Variants in FBXL13 observed in about 807,000 individuals in gnomAD.
FBXL13 encodes the protein F-box and leucine-rich repeat protein 13.
Under a neutral mutation model 83.6 loss-of-function variants are expected in FBXL13, and 67 were observed. The ratio of observed to expected loss-of-function variants is 0.80; its 90% CI spans 0.66 to 0.98. FBXL13 has a LOEUF of 0.98. FBXL13 is among the 50% of genes least tolerant of loss of function. FBXL13 has a pLI of 0.00. For missense variants in FBXL13, 822 were observed against 866.5 expected, an observed-to-expected ratio of 0.95 and a Z score of 0.64; for synonymous variants, 272 against 299.5, an observed-to-expected ratio of 0.91 and a Z score of 0.95.
intron 7 of FBXL13, 56 bp from the exon 9 acceptor site, chr7:102,963,721 C>G (rs1325213756): frequency 6.6e-7 from 1 of 1,517,024 alleles, no homozygotes; most frequent in Non-Finnish European, 8.9e-7. Context: ...AAAACAATTG[C>G]AACAAAAACA....
intron 14 of FBXL13, among the ~76,000 whole-genome samples, chr7:102,879,279 C>A (rs974811511): frequency 1.3e-5 from 2 of 152,184 alleles, no homozygotes; most frequent in Admixed American, 6.5e-5. Context: ...TCCGTTTACA[C>A]CCTCCGTTTG....
At chr7:102,964,642 A>G (rs1825789981) in intron 7 of FBXL13, among the ~76,000 whole-genome samples, 1 of 152,040 alleles carries the variant, frequency 6.6e-6, no homozygotes. Context: ...ACCTCAAATG[A>G]TCCACCTGCT....
At chr7:102,942,176 C>A (rs975583237) in intron 8 of FBXL13, 19 of 699,822 alleles carry the variant, frequency 2.7e-5, no homozygotes, top group Non-Finnish European at 4.2e-5. Flanking sequence ...GAGCACCTAC[C>A]AAATGCCAAG....
At chr7:103,040,747 T>C (rs1280632368) in intron 2 of FBXL13, among the ~76,000 whole-genome samples, 1 of 151,662 alleles carries the variant, frequency 6.6e-6, no homozygotes, top group African/African-American at 2.4e-5. Flanking sequence ...ATAATAAAAT[T>C]AAGGCAGAAA....
chr7:102,949,595 T>A (rs1823091008), intron 8 of FBXL13, among the ~76,000 whole-genome samples: 2 of 152,174 alleles, frequency 1.3e-5, no homozygotes, highest in Non-Finnish European at 2.9e-5. Context: ...ACATTACATT[T>A]GCTTCCTTAA....
At chr7:102,972,715 A>G (rs1826863934) in intron 6 of FBXL13, among the ~76,000 whole-genome samples, 1 of 151,594 alleles carries the variant, frequency 6.6e-6, no homozygotes, top group South Asian at 2.1e-4. Context: ...AAACATATAA[A>G]AAGATAATAA....
intron 16 of FBXL13, 64 bp from the exon 18 acceptor site, chr7:102,854,924 A>C (rs1442737433): frequency 3.4e-6 from 3 of 875,138 alleles, no homozygotes; most frequent in African/African-American, 1.7e-5. Flanking sequence ...TATAGTTCCA[A>C]TAACCATTTA....
At chr7:102,846,990 C>A (rs931492178) in intron 17 of FBXL13, among the ~76,000 whole-genome samples, 11 of 152,026 alleles carry the variant, frequency 7.2e-5, no homozygotes, top group African/African-American at 2.7e-4. Flanking sequence ...AAAAAAGCAA[C>A]AGAAGAATAA....
rs193164566 is a variant in FBXL13 at position 103,071,986 on chromosome 7, C to T, written c.-105+2260G>A. On this transcript the variant is annotated intron_variant, in intron 1 of 19. Coordinates refer to ENST00000313221, the Ensembl canonical transcript of FBXL13. ...TCACCTGAGGTTAGGAGTTCGAGAC[C>T]GGCCTGACCAACATGGTGAAACCCT... Among the ~76,000 whole-genome samples the T allele has an allele frequency of 7.6e-3, 1,153 of 151,910 alleles. 3 individuals are homozygous for T. The highest frequency in any genetic ancestry group is 0.014 in the African/African-American group (574 of 41,446).
chr7:103,002,325 T>A (rs1283301600), intron 6 of FBXL13, among the ~76,000 whole-genome samples: 2 of 152,108 alleles, frequency 1.3e-5, no homozygotes, highest in Non-Finnish European at 2.9e-5. Context: ...ATCTACCACT[T>A]TTTTTTGTTG....
chr7:102,827,675 C>T (rs1006884298), intron 18 of FBXL13, among the ~76,000 whole-genome samples: 3 of 152,056 alleles, frequency 2.0e-5, no homozygotes, highest in African/African-American at 4.8e-5. Flanking sequence ...ATTCCTCCCC[C>T]CTCCCGCCAC....
chr7:102,924,958 C>T (rs943688319), intron 10 of FBXL13, among the ~76,000 whole-genome samples: 2 of 152,062 alleles, frequency 1.3e-5, no homozygotes, highest in Non-Finnish European at 2.9e-5. Flanking sequence ...GTCTCATCAC[C>T]GTTATTTTTC....
intron 1 of FBXL13, among the ~76,000 whole-genome samples, chr7:103,060,042 AT>A (rs1563286475): frequency 1.0e-5 from 1 of 99,682 alleles, no homozygotes; most frequent in African/African-American, 4.3e-5. Flanking sequence ...ATATATATAT[AT>A]ATATATATAT....
At chr7:103,036,743 C>G (rs1795111027) in intron 2 of FBXL13, among the ~76,000 whole-genome samples, 1 of 152,176 alleles carries the variant, frequency 6.6e-6, no homozygotes, top group Admixed American at 6.5e-5. Flanking sequence ...AACTCCTGGC[C>G]TCAAGTGATC....
intron 11 of FBXL13, among the ~76,000 whole-genome samples, chr7:102,895,392 G>A (rs529960573): frequency 4.3e-4 from 65 of 152,302 alleles, no homozygotes; most frequent in South Asian, 3.3e-3. Flanking sequence ...AAACCCCTAT[G>A]GCAAGCTCCC....
intron 1 of FBXL13, among the ~76,000 whole-genome samples, chr7:103,060,011 CA>C (rs1797697538): frequency 1.3e-5 from 1 of 76,836 alleles, no homozygotes; most frequent in Admixed American, 1.7e-4. Flanking sequence ...ATAATGATAG[CA>C]AGATATTTTA....
intron 6 of FBXL13, among the ~76,000 whole-genome samples, chr7:103,021,763 C>G (rs939776114): frequency 6.6e-6 from 1 of 152,160 alleles, no homozygotes; most frequent in African/African-American, 2.4e-5. Flanking sequence ...CAGAGAAATG[C>G]AAATCAAAAC....
Position 102,899,802 on chromosome 7 carries a change from G to A in FBXL13, c.1008+13284C>T, listed in dbSNP as rs9656079. 7.6e-3 allele frequency among the ~76,000 whole-genome samples: 1,154 copies of A among 152,220 alleles called. 20 individuals carry two copies. The highest frequency in any genetic ancestry group is 0.026 in the African/African-American group (1,078 of 41,542). ...TCTAATCCCCAAAGAGGCTGGGCACGGTGGCTCATGACTGTAATCCCAGCA... is the reference window on the plus strand; with the variant it reads ...TCTAATCCCCAAAGAGGCTGGGCACAGTGGCTCATGACTGTAATCCCAGCA... On this transcript the variant is annotated intron_variant, in intron 11 of 19. Transcript: ENST00000313221.
intron 6 of FBXL13, chr7:102,976,134 G>A (rs750035565): frequency 1.8e-5 from 14 of 766,306 alleles, no homozygotes; most frequent in Non-Finnish European, 2.9e-5. Flanking sequence ...CTCGGATCTC[G>A]TCAGCCTTGC....
Sources: allele counts gnomAD v4.1 joint callset (sites outside exome capture counted in the v4.1 genomes callset), GRCh38; gene constraint gnomAD v4.1.1; transcripts MANE v1.5; gene names NCBI Gene and HGNC (gene_info 2026-07-23, HGNC 2026-07-21).